Variants in EPHA6 observed in about 807,000 individuals in gnomAD.
EPHA6 encodes ephrin type-A receptor 6.
In EPHA6, 50 loss-of-function variants were observed where a neutral mutation model predicts 112.0. The ratio of observed to expected loss-of-function variants is 0.45; its 90% CI spans 0.36 to 0.56. The LOEUF (loss-of-function observed/expected upper bound fraction) is 0.56, where lower values mean the gene tolerates loss of function less well. Among genes scored for constraint, EPHA6 ranks in the 20% least tolerant of loss-of-function variants. The pLI, the probability that EPHA6 is intolerant of heterozygous loss-of-function variation, is 0.00. For synonymous variants in EPHA6, 529 were observed against 490.7 expected, an observed-to-expected ratio of 1.08 and a Z score of -1.03; for missense variants, 1,280 against 1,417.4, an observed-to-expected ratio of 0.90 and a Z score of 1.56.
chr3:97,472,747 TTAATTCA>T (rs2091263664), intron 7 of EPHA6, among the ~76,000 whole-genome samples: 1 of 151,860 alleles, frequency 6.6e-6, no homozygotes, highest in Non-Finnish European at 1.5e-5. Context: ...ACAAGAATGT[TTAATTCA>T]ACATTATCAT....
intron 5 of EPHA6, among the ~76,000 whole-genome samples, chr3:97,395,547 A>ACAC (rs1178440378): frequency 2.0e-4 from 31 of 151,930 alleles, no homozygotes; most frequent in Admixed American, 1.8e-3. Context: ...TCTGCTTTGC[A>ACAC]ATTATACCCG....
intron 2 of EPHA6, among the ~76,000 whole-genome samples, chr3:96,940,666 G>A (rs752863073): frequency 8.5e-5 from 13 of 152,136 alleles, no homozygotes; most frequent in South Asian, 2.1e-4. Flanking sequence ...TATTTTGTTC[G>A]TTAGTTGATG....
chr3:96,883,983 C>T (rs2037478033), intron 2 of EPHA6, among the ~76,000 whole-genome samples: 1 of 152,104 alleles, frequency 6.6e-6, no homozygotes, highest in Non-Finnish European at 1.5e-5. Flanking sequence ...GGTGTCCTTT[C>T]CCCATTTTAT....
intron 5 of EPHA6, among the ~76,000 whole-genome samples, chr3:97,293,722 A>C (rs946566442): frequency 3.3e-5 from 5 of 152,174 alleles, no homozygotes; most frequent in Non-Finnish European, 5.9e-5. Flanking sequence ...CCCAGGCCCC[A>C]GGCTTCAGGT....
At chr3:96,853,530 G>A (rs2035518545) in intron 1 of EPHA6, among the ~76,000 whole-genome samples, 1 of 151,874 alleles carries the variant, frequency 6.6e-6, no homozygotes, top group African/African-American at 2.4e-5. Flanking sequence ...TGAATAGATA[G>A]TGCTTCTTTT....
chr3:97,135,641 G>A (rs1257927959), intron 3 of EPHA6, among the ~76,000 whole-genome samples: 1 of 151,262 alleles, frequency 6.6e-6, no homozygotes, highest in Non-Finnish European at 1.5e-5. Context: ...TATTTCCTCT[G>A]TAACCTGTAA....
intron 14 of EPHA6, among the ~76,000 whole-genome samples, chr3:97,678,722 A>C (rs1462399698): frequency 6.6e-6 from 1 of 152,166 alleles, no homozygotes; most frequent in Non-Finnish European, 1.5e-5. Context: ...TTTGCTTTAT[A>C]TATTTTGATA....
chr3:97,381,144 A>G (rs1033724308), intron 5 of EPHA6, among the ~76,000 whole-genome samples: 17 of 152,140 alleles, frequency 1.1e-4, no homozygotes, highest in African/African-American at 4.1e-4. Flanking sequence ...TTGAAAAGAA[A>G]CAAAGCACAT....
chr3:97,607,264 T>C (rs1484778933), intron 12 of EPHA6, among the ~76,000 whole-genome samples: 6 of 150,780 alleles, frequency 4.0e-5, no homozygotes, highest in African/African-American at 1.5e-4. Context: ...TAAAGAATTA[T>C]TTTGTTTTCT....
At chr3:97,392,950 T>C (rs931500343) in intron 5 of EPHA6, among the ~76,000 whole-genome samples, 2 of 151,924 alleles carry the variant, frequency 1.3e-5, no homozygotes, top group Middle Eastern at 3.4e-3. Flanking sequence ...TTAAAACCTA[T>C]TTTAAAATTA....
intron 2 of EPHA6, among the ~76,000 whole-genome samples, chr3:96,978,698 T>TAA (rs576606303): frequency 4.0e-5 from 6 of 151,160 alleles, no homozygotes; most frequent in African/African-American, 1.2e-4. Context: ...AAACTCAGTG[T>TAA]AAAAAAAAAT....
chr3:96,934,311 G>A (rs1457157368), intron 2 of EPHA6, among the ~76,000 whole-genome samples: 1 of 151,468 alleles, frequency 6.6e-6, no homozygotes, highest in African/African-American at 2.4e-5. Context: ...TCTGTTTTTA[G>A]AGTTTATTCT....
intron 10 of EPHA6, among the ~76,000 whole-genome samples, chr3:97,489,685 T>TAA (rs60356185): frequency 1.9e-4 from 26 of 133,462 alleles, no homozygotes; most frequent in African/African-American, 6.2e-4. Flanking sequence ...GACTCCGTCT[T>TAA]AAAAAAAAAA....
chr3:96,842,299 C>G (rs761499206), intron 1 of EPHA6, among the ~76,000 whole-genome samples: 1 of 152,078 alleles, frequency 6.6e-6, no homozygotes, highest in Non-Finnish European at 1.5e-5. Context: ...TTTATACTTG[C>G]AAGAACCAAG....
chr3:97,660,554 G>T (rs2094163013), intron 14 of EPHA6, among the ~76,000 whole-genome samples: 1 of 152,018 alleles, frequency 6.6e-6, no homozygotes, highest in South Asian at 2.1e-4. Flanking sequence ...AACAAGAATG[G>T]AATACAAATG....
At position 97,462,954 on chromosome 3, in the gene EPHA6, T is replaced by C. The variant is rs1170427365; in HGVS notation, c.1895-12398T>C. 2.0e-5 allele frequency among the ~76,000 whole-genome samples: 3 copies of C among 152,118 alleles called. No homozygotes were observed. The East Asian group carries it at 5.8e-4, about 29-fold the overall frequency. On this transcript the variant is annotated intron_variant, in intron 7 of 17. Coordinates refer to ENST00000389672, the MANE Select transcript of EPHA6 (RefSeq NM_001080448.3). The stretch of plus-strand genomic sequence containing the variant: ...TGCAGCTCAGAATGCCTTTGAATCC[T>C]TGTGAATCTTTGACAACTACTTATT...
intron 11 of EPHA6, among the ~76,000 whole-genome samples, chr3:97,566,628 G>A (rs183678186): frequency 6.6e-6 from 1 of 152,254 alleles, no homozygotes; most frequent in Non-Finnish European, 1.5e-5. Flanking sequence ...CCCAAGTCAT[G>A]CTCTCTTAAT....
At chr3:97,683,621 T>G (rs1200119328) in intron 14 of EPHA6, among the ~76,000 whole-genome samples, 3 of 152,056 alleles carry the variant, frequency 2.0e-5, no homozygotes, top group Admixed American at 6.6e-5. Flanking sequence ...TACTAAAAAT[T>G]TTCTTTTTGA....
At chr3:97,214,348 T>C (rs936602118) in intron 3 of EPHA6, among the ~76,000 whole-genome samples, 1 of 152,044 alleles carries the variant, frequency 6.6e-6, no homozygotes, top group Admixed American at 6.6e-5. Flanking sequence ...CTTCATGTAT[T>C]CTTTACAGTA....
Sources: allele counts gnomAD v4.1 joint callset (sites outside exome capture counted in the v4.1 genomes callset), GRCh38; gene constraint gnomAD v4.1.1; transcripts MANE v1.5; gene names NCBI Gene and HGNC (gene_info 2026-07-23, HGNC 2026-07-21).